The following CTH variants were observed in gnomAD, a reference collection of about 807,000 sequenced individuals.
The protein encoded by CTH is cystathionase (cystathionine gamma-lyase).
In CTH, 41 loss-of-function variants were observed where a neutral mutation model predicts 50.6. The observed-to-expected ratio is 0.81, with a 90% CI of 0.63 to 1.05. The LOEUF (loss-of-function observed/expected upper bound fraction) is 1.05. CTH is among the 50% of genes least tolerant of loss of function. The probability of loss-of-function intolerance (pLI) is 0.00; values close to 1 mark genes in which losing one functional copy is unlikely to be tolerated. For synonymous variants in CTH, 156 were observed against 168.9 expected (o/e 0.92, Z 0.59); for missense variants, 470 against 492.6 (o/e 0.95, Z 0.43).
At chr1:70,412,515 G>A (rs930387911) in intron 1 of CTH, among the ~76,000 whole-genome samples, 11 of 152,158 alleles carry the variant, frequency 7.2e-5, no homozygotes, top group Admixed American at 2.0e-4. Context: ...CAGGAGAATC[G>A]CTTGAACCCA....
intron 4 of CTH, among the ~76,000 whole-genome samples, chr1:70,422,495 A>G (rs1400343168): frequency 1.3e-5 from 2 of 152,320 alleles, no homozygotes; most frequent in African/African-American, 2.4e-5. Context: ...ATGTACAAAT[A>G]ATTACTTTGC....
intron 5 of CTH, among the ~76,000 whole-genome samples, chr1:70,428,146 C>T (rs1684388437): frequency 6.6e-6 from 1 of 152,148 alleles, no homozygotes; most frequent in Non-Finnish European, 1.5e-5. Context: ...ACATATATAG[C>T]ATGATCTCAT....
chr1:70,430,432 C>T (rs1684440289), intron 7 of CTH, 38 bp downstream of exon 7: 1 of 925,236 alleles, frequency 1.1e-6, no homozygotes, highest in African/African-American at 1.6e-5. Flanking sequence ...ATGACACTCT[C>T]AGTGACTACA....
Position 70,424,317 on chromosome 1 carries a change from C to T in CTH, c.489C>T (p.Thr163=), listed in dbSNP as rs769785540. The T allele has an allele frequency of 5.0e-6, 8 of 1,613,882 alleles. No individual in the cohort carries two copies. The East Asian group carries it at 1.3e-4, about 27-fold the overall frequency. ...LVWIETPTNP[T]QKVIDIEGCA... The stretch of plus-strand genomic sequence containing the variant: ...GGATCGAAACCCCCACAAACCCCAC[C>T]CAGAAGGTGATTGACATTGAAGGCT... Residue 163 remains threonine, a synonymous_variant, in exon 5 of 12, where the codon ACC becomes ACT. Coordinates refer to ENST00000370938, the MANE Select transcript of CTH (RefSeq NM_001902.6).
intron 10 of CTH, among the ~76,000 whole-genome samples, chr1:70,436,741 G>A (rs1258423494): frequency 2.6e-5 from 4 of 152,042 alleles, no homozygotes; most frequent in African/African-American, 4.8e-5. Flanking sequence ...TAGTCTTTCC[G>A]GAAGATGCCT....
At chr1:70,426,309 T>C (rs1231539577) in intron 5 of CTH, among the ~76,000 whole-genome samples, 1 of 152,212 alleles carries the variant, frequency 6.6e-6, no homozygotes, top group Non-Finnish European at 1.5e-5. Flanking sequence ...TTCCTGCTCT[T>C]TTCTTCCTGC....
chr1:70,429,345 G>A (rs555727395), intron 5 of CTH, among the ~76,000 whole-genome samples: 17 of 152,212 alleles, frequency 1.1e-4, no homozygotes, highest in East Asian at 1.9e-4. Flanking sequence ...CACAGCATAC[G>A]TCATGAGGTT....
chr1:70,434,849 T>C, intron 9 of CTH: 1 of 326,862 alleles, frequency 3.1e-6, no homozygotes, highest in Non-Finnish European at 5.9e-6. Flanking sequence ...ACCTCCTGGG[T>C]TGAAGTGATA....
At chr1:70,421,448 T>C in intron 3 of CTH, 118 bp from the exon 4 acceptor site, 1 of 1,048,778 alleles carries the variant, frequency 9.5e-7, no homozygotes, top group African/African-American at 1.6e-5. Context: ...TTGCTTTTAG[T>C]TGCATTTTCC....
At chr1:70,417,220 G>A (rs1470633796) in intron 2 of CTH, among the ~76,000 whole-genome samples, 8 of 151,662 alleles carry the variant, frequency 5.3e-5, no homozygotes. Flanking sequence ...TTACTGAATT[G>A]CATATTCATA....
At chr1:70,425,656 C>T (rs978403556) in intron 5 of CTH, among the ~76,000 whole-genome samples, 1 of 152,112 alleles carries the variant, frequency 6.6e-6, no homozygotes, top group African/African-American at 2.4e-5. Flanking sequence ...AGAAAACTTA[C>T]AATAATGGCA....
At chr1:70,415,421 A>G (rs1029655083) in intron 1 of CTH, among the ~76,000 whole-genome samples, 3 of 152,088 alleles carry the variant, frequency 2.0e-5, no homozygotes, top group South Asian at 2.1e-4. Flanking sequence ...AAAAACTTGT[A>G]TCACTTAATC....
At chr1:70,430,964 C>T (rs1180318389) in intron 7 of CTH, 1 of 152,316 alleles carries the variant, frequency 6.6e-6, no homozygotes, top group African/African-American at 2.4e-5. Context: ...ATCACTTGAG[C>T]TTAGGAGTTT....
chr1:70,436,171 G>T (rs994194618), intron 10 of CTH, among the ~76,000 whole-genome samples: 7 of 151,738 alleles, frequency 4.6e-5, no homozygotes, highest in Non-Finnish European at 1.0e-4. Context: ...AATTATCCGA[G>T]TGTGGTGGTG....
At position 70,411,509 on chromosome 1, in the gene CTH, T is replaced by A. The variant is rs774976222; in HGVS notation, c.94T>A (p.Trp32Arg). ...AIHVGQDPEQ[W>R]TSRAVVPPIS... ...CCATGTGGGCCAGGATCCAGAGCAATGGACCTCCAGGGCTGTAGTGCCCCC... is the reference window on the plus strand; with the variant it reads ...CCATGTGGGCCAGGATCCAGAGCAAAGGACCTCCAGGGCTGTAGTGCCCCC... Residue 32 changes from tryptophan to arginine, a missense_variant, in exon 1 of 12, where the codon TGG (tryptophan) becomes AGG (arginine). By Grantham distance (101) the Trp-to-Arg change is moderately radical. Transcript: ENST00000370938. The A allele has an allele frequency of 8.1e-6, 13 of 1,614,092 alleles. No individual in the cohort carries two copies. The highest frequency in any genetic ancestry group is 1.1e-5 in the Non-Finnish European group (13 of 1,180,052).
chr1:70,430,589 G>A (rs1183326408), intron 7 of CTH, among the ~76,000 whole-genome samples, 195 bp downstream of exon 7: 1 of 151,234 alleles, frequency 6.6e-6, no homozygotes, highest in Admixed American at 6.6e-5. Flanking sequence ...TTGCCCAGGC[G>A]GGAGTGAAGT....
At chr1:70,421,356 T>C (rs1684215786) in intron 3 of CTH, among the ~76,000 whole-genome samples, 1 of 152,222 alleles carries the variant, frequency 6.6e-6, no homozygotes, top group African/African-American at 2.4e-5. Flanking sequence ...AAGTGTGTTT[T>C]ATTTGACTCT....
chr1:70,429,595 A>C (rs1684420092), intron 5 of CTH, among the ~76,000 whole-genome samples, 199 bp from the exon 6 acceptor site: 1 of 152,218 alleles, frequency 6.6e-6, no homozygotes, highest in Non-Finnish European at 1.5e-5. Context: ...TACTGGATTC[A>C]ATACTTTACA....
At position 70,438,556 on chromosome 1, in the gene CTH, TGAA is replaced by T; in HGVS notation, c.1053-131_1053-129del. 7 of 912,900 alleles carry T rather than the reference TGAA, an allele frequency of 7.7e-6. No homozygotes were observed. In the Admixed American group the frequency reaches 7.9e-5, roughly 10 times the overall value. 56.5% of individuals were successfully genotyped at this position (912,900 alleles called of 1,614,324 possible). On this transcript the variant is annotated intron_variant, in intron 10 of 11. Transcript: ENST00000370938. ...TCGTAATTTTCTCTTTTTTTGCCTG[TGAA>T]TTATAGGGGTATGCAAAATTTGATA...
Sources: gnomAD v4.1 joint callset for allele counts (sites outside exome capture counted in the v4.1 genomes callset) on GRCh38, gnomAD v4.1.1 for gene constraint, MANE v1.5 for transcripts, NCBI Gene and HGNC (gene_info 2026-07-23, HGNC 2026-07-21) for gene names.